CACNA1C: variants seen among roughly 807,000 people sequenced by gnomAD.
The protein encoded by CACNA1C is voltage-dependent L-type calcium channel subunit alpha-1C.
A neutral mutation model predicts 229.0 loss-of-function variants in CACNA1C; 30 were observed. That is an observed-to-expected ratio of 0.13 (90% confidence interval 0.10 to 0.18). The LOEUF is 0.18. Among genes scored for constraint, CACNA1C ranks in the 10% least tolerant of loss-of-function variants. The pLI is 1.00. For missense variants in CACNA1C, 1,658 were observed against 2,845.0 expected (o/e 0.58, Z 9.49); for synonymous variants, 1,114 against 1,132.5 (o/e 0.98, Z 0.33).
At chr12:2,576,467 G>A (rs2058428861) in intron 13 of CACNA1C, among the ~76,000 whole-genome samples, 1 of 152,172 alleles carries the variant, frequency 6.6e-6, no homozygotes, top group Non-Finnish European at 1.5e-5. Flanking sequence ...AAGACATGAA[G>A]TGCTTTGCTC....
At chr12:2,282,988 C>T (rs1447195943) in intron 3 of CACNA1C, among the ~76,000 whole-genome samples, 1 of 151,602 alleles carries the variant, frequency 6.6e-6, no homozygotes, top group Non-Finnish European at 1.5e-5. Flanking sequence ...CAGGTGGAAC[C>T]AGGAAGGAGT....
At chr12:2,104,868 A>G (rs2077603180) in intron 1 of CACNA1C, among the ~76,000 whole-genome samples, 1 of 152,208 alleles carries the variant, frequency 6.6e-6, no homozygotes, top group South Asian at 2.1e-4. Flanking sequence ...TGGAGGAAGC[A>G]TTTGGTTATT....
intron 3 of CACNA1C, among the ~76,000 whole-genome samples, chr12:2,362,208 G>A (rs1015944748): frequency 1.3e-5 from 2 of 152,118 alleles, no homozygotes; most frequent in African/African-American, 2.4e-5. Flanking sequence ...AGCTCTGAGG[G>A]GGCGTGAAGG....
chr12:2,697,539 A>G lies in CACNA1C; in HGVS notation c.*6340A>G, dbSNP rs2097850748. 1 of 152,086 alleles carries G rather than the reference A, an allele frequency of 6.6e-6. No homozygotes were observed. The highest frequency in any genetic ancestry group is 1.5e-5 in the Non-Finnish European group (1 of 68,012). 9.4% of individuals were successfully genotyped at this position (152,086 alleles called of 1,614,324 possible). ...CCTTCCCTCATGTCCTCCAGCTCAAACCCACCTTCATCCCCCAAACCAATC... is the reference window on the plus strand; with the variant it reads ...CCTTCCCTCATGTCCTCCAGCTCAAGCCCACCTTCATCCCCCAAACCAATC... On this transcript the variant is annotated 3_prime_UTR_variant, in exon 47 of 47. Coordinates refer to ENST00000399655, the MANE Select transcript of CACNA1C (RefSeq NM_000719.7).
At chr12:2,509,283 G>A (rs908263312) in intron 8 of CACNA1C, among the ~76,000 whole-genome samples, 1 of 152,174 alleles carries the variant, frequency 6.6e-6, no homozygotes, top group Non-Finnish European at 1.5e-5. Context: ...GTGGGTGGGA[G>A]CAGAAGAGAT....
rs2095839744 is a variant in CACNA1C, at chr12:2,319,087, T to G, written c.478-129889T>G. On this transcript the variant is annotated intron_variant, in intron 3 of 46. Transcript: ENST00000399655. This position sits in a 1 kb window ranked among gnomAD's most constrained non-coding sequence, Gnocchi z 4.0. ...GGGCTTGTGAGTCTCTCACCCCAGCTGTTTCCTGGGGCTGTGAAGTTCATC... is the reference window on the plus strand; with the variant it reads ...GGGCTTGTGAGTCTCTCACCCCAGCGGTTTCCTGGGGCTGTGAAGTTCATC... 6.6e-6 allele frequency among the ~76,000 whole-genome samples: 1 copy of G among 152,010 alleles called. No individual in the cohort carries two copies. The highest frequency in any genetic ancestry group is 6.5e-5 in the Admixed American group (1 of 15,276).
chr12:2,652,800 C>T (rs905904590), intron 32 of CACNA1C, among the ~76,000 whole-genome samples: 3 of 152,270 alleles, frequency 2.0e-5, no homozygotes, highest in Admixed American at 6.5e-5. Flanking sequence ...TCTGGGGATT[C>T]GGAATAGTAG....
chr12:2,209,483 G>A (rs900298988), intron 3 of CACNA1C, among the ~76,000 whole-genome samples: 3 of 152,200 alleles, frequency 2.0e-5, no homozygotes, highest in African/African-American at 7.2e-5. Flanking sequence ...CACGCCCGTG[G>A]CTGCTCTGTA....
intron 43 of CACNA1C, among the ~76,000 whole-genome samples, chr12:2,684,256 G>A (rs2097329591): frequency 3.9e-5 from 6 of 152,150 alleles, no homozygotes; most frequent in Admixed American, 3.9e-4. Context: ...CCAACCAGCG[G>A]CACTTGACAA....
At chr12:2,613,957 A>T (rs1003167592) in intron 29 of CACNA1C, 1 of 152,264 alleles carries the variant, frequency 6.6e-6, no homozygotes, top group Non-Finnish European at 1.5e-5. Context: ...CAGTTGACTC[A>T]GATGTGTTTC....
Position 2,343,890 on chromosome 12 carries a change from T to G in CACNA1C, c.478-105086T>G, listed in dbSNP as rs188789234. ...ACACCAAATAAGGGTCTGTTTACTTTGACTGTAAAAGTGTATTACTTTTTG... is the reference window on the plus strand; with the variant it reads ...ACACCAAATAAGGGTCTGTTTACTTGGACTGTAAAAGTGTATTACTTTTTG... On this transcript the variant is annotated intron_variant, in intron 3 of 46. Coordinates refer to ENST00000399655, the MANE Select transcript of CACNA1C (RefSeq NM_000719.7). Among the ~76,000 whole-genome samples the G allele has an allele frequency of 9.2e-5, 14 of 152,316 alleles. No homozygotes were observed. The East Asian group carries it at 1.2e-3, about 13-fold the overall frequency.
At chr12:2,489,576 C>T (rs1033715977) in intron 6 of CACNA1C, among the ~76,000 whole-genome samples, 1 of 152,200 alleles carries the variant, frequency 6.6e-6, no homozygotes, top group Non-Finnish European at 1.5e-5. Flanking sequence ...TTCCCAATCA[C>T]AGTAATTACC....
chr12:2,551,967 G>T (rs2099905386), intron 10 of CACNA1C, among the ~76,000 whole-genome samples: 1 of 152,200 alleles, frequency 6.6e-6, no homozygotes, highest in African/African-American at 2.4e-5. Context: ...GGACACACAT[G>T]TTTGAGGTTG....
intron 3 of CACNA1C, among the ~76,000 whole-genome samples, chr12:2,443,312 C>T (rs1223093588): frequency 6.6e-6 from 1 of 152,188 alleles, no homozygotes. Context: ...CCCAGTAGGG[C>T]AGTCATTAAA....
intron 1 of CACNA1C, among the ~76,000 whole-genome samples, chr12:2,106,797 G>T: frequency 7.4e-6 from 1 of 136,040 alleles, no homozygotes; most frequent in Admixed American, 7.2e-5. Flanking sequence ...AAGCCACTGG[G>T]TGCTCACCCC....
chr12:2,227,345 CAG>C (rs1261950365), intron 3 of CACNA1C, among the ~76,000 whole-genome samples: 3 of 152,160 alleles, frequency 2.0e-5, no homozygotes, highest in Admixed American at 6.5e-5. Flanking sequence ...TCTGTTGATT[CAG>C]AGTCATAGTG....
rs193040230 is a variant in CACNA1C, at chr12:2,165,443, G to T, written c.477+45013G>T. 3.7e-3 allele frequency among the ~76,000 whole-genome samples: 568 copies of T among 152,298 alleles called. 5 individuals carry two copies. The highest frequency in any genetic ancestry group is 0.013 in the African/African-American group (548 of 41,538). On this transcript the variant is annotated intron_variant, in intron 3 of 46. Transcript: ENST00000399655. Reference sequence around the variant, plus strand: ...AGCCTTCTCAAGTATTAAATTTGGAGGGTGGCTCAGTGATCTAAGCAATGA... The same window carrying T: ...AGCCTTCTCAAGTATTAAATTTGGATGGTGGCTCAGTGATCTAAGCAATGA...
intron 9 of CACNA1C, among the ~76,000 whole-genome samples, chr12:2,545,276 A>T (rs2099879115): frequency 7.0e-6 from 1 of 142,074 alleles, no homozygotes; most frequent in African/African-American, 2.5e-5. Context: ...CACCTTTCCA[A>T]TAAGCTTCAA....
At chr12:2,087,432 A>C (rs971874093) in intron 1 of CACNA1C, among the ~76,000 whole-genome samples, 1 of 152,186 alleles carries the variant, frequency 6.6e-6, no homozygotes, top group African/African-American at 2.4e-5. Flanking sequence ...AGCCACTGGG[A>C]GATGTGGGCT....
Sources: gnomAD v4.1 joint callset for allele counts (sites outside exome capture counted in the v4.1 genomes callset) on GRCh38, gnomAD v4.1.1 for gene constraint, Gnocchi (gnomAD v3.1) non-coding constraint, MANE v1.5 for transcripts, NCBI Gene and HGNC (gene_info 2026-07-23, HGNC 2026-07-21) for gene names.